EFCAB5: variants seen among roughly 807,000 people sequenced by gnomAD.
The protein encoded by EFCAB5 is EF-hand calcium binding domain 5, also known as EF-hand calcium-binding domain-containing protein 5.
A neutral mutation model predicts 167.9 loss-of-function variants in EFCAB5; 131 were observed. The ratio of observed to expected loss-of-function variants is 0.78; its 90% CI spans 0.68 to 0.90. The LOEUF is 0.90. EFCAB5 is among the 40% of genes least tolerant of loss of function. EFCAB5 has a pLI of 0.00. For missense variants in EFCAB5, 1,663 were observed against 1,745.2 expected, an observed-to-expected ratio of 0.95 and a Z score of 0.84; for synonymous variants, 574 against 602.8, an observed-to-expected ratio of 0.95 and a Z score of 0.70.
chr17:30,061,780 C>T (rs2070432757), intron 14 of EFCAB5, among the ~76,000 whole-genome samples: 1 of 152,132 alleles, frequency 6.6e-6, no homozygotes, highest in Non-Finnish European at 1.5e-5. Flanking sequence ...GTTGCCCAGG[C>T]TAGTCTTGAA....
intron 7 of EFCAB5, among the ~76,000 whole-genome samples, chr17:30,011,329 C>G (rs1012895104): frequency 1.3e-5 from 2 of 152,032 alleles, no homozygotes; most frequent in Admixed American, 1.3e-4. Flanking sequence ...TAGTTTTTTC[C>G]AATTCTGTGA....
At chr17:30,020,864 A>T (rs1252691035) in intron 7 of EFCAB5, among the ~76,000 whole-genome samples, 1 of 152,144 alleles carries the variant, frequency 6.6e-6, no homozygotes, top group Non-Finnish European at 1.5e-5. Flanking sequence ...CACTGTGGTC[A>T]CTTTTTAATG....
chr17:30,086,598 A>AG (rs1190505631), intron 18 of EFCAB5, among the ~76,000 whole-genome samples: 1 of 151,552 alleles, frequency 6.6e-6, no homozygotes, highest in Non-Finnish European at 1.5e-5. Context: ...ATACAAAAAA[A>AG]AAAATTAGCC....
chr17:29,953,095 A>G (rs1421028698), intron 3 of EFCAB5, among the ~76,000 whole-genome samples: 1 of 152,190 alleles, frequency 6.6e-6, no homozygotes, highest in African/African-American at 2.4e-5. Flanking sequence ...AAGGAAGTCA[A>G]ACTATCCCTG....
intron 3 of EFCAB5, chr17:29,950,690 A>G (rs1296722930): frequency 1.3e-5 from 2 of 152,132 alleles, no homozygotes; most frequent in Non-Finnish European, 2.9e-5. Context: ...GATTTTCTTC[A>G]TAACATTTTC....
intron 8 of EFCAB5, among the ~76,000 whole-genome samples, chr17:30,047,730 T>C (rs903064203): frequency 1.3e-5 from 2 of 152,208 alleles, no homozygotes; most frequent in African/African-American, 2.4e-5. Context: ...ATGGATATAA[T>C]GCCTACTAAA....
intron 7 of EFCAB5, among the ~76,000 whole-genome samples, chr17:30,027,186 C>T (rs1350274439): frequency 6.7e-6 from 1 of 150,068 alleles, no homozygotes; most frequent in Non-Finnish European, 1.5e-5. Flanking sequence ...AGGGTTTCAC[C>T]GTGTTAGCCA....
At chr17:30,012,133 G>T (rs532612175) in intron 7 of EFCAB5, among the ~76,000 whole-genome samples, 1 of 152,184 alleles carries the variant, frequency 6.6e-6, no homozygotes, top group Non-Finnish European at 1.5e-5. Context: ...CTGGGAAGAC[G>T]CCCATTGCCA....
At chr17:29,968,658 G>A (rs2067883546) in intron 3 of EFCAB5, 133 bp from the exon 4 acceptor site, 2 of 713,810 alleles carry the variant, frequency 2.8e-6, no homozygotes, top group Non-Finnish European at 4.3e-6. Flanking sequence ...CTGATTTTCT[G>A]TTATTTTCAG....
At chr17:30,001,801 G>C (rs12939344) in intron 7 of EFCAB5, among the ~76,000 whole-genome samples, 67,710 of 152,026 alleles carry the variant, frequency 0.45, 15,686 homozygotes, top group Non-Finnish European at 0.51. Context: ...TAACACTTTT[G>C]ACTCCTTTTT....
chr17:30,022,928 C>G (rs2069217695), intron 7 of EFCAB5, among the ~76,000 whole-genome samples: 1 of 152,090 alleles, frequency 6.6e-6, no homozygotes, highest in African/African-American at 2.4e-5. Context: ...TCCTGAATGA[C>G]TACTGGGTAC....
intron 14 of EFCAB5, among the ~76,000 whole-genome samples, chr17:30,071,847 C>T (rs567926889): frequency 5.3e-4 from 80 of 152,188 alleles, no homozygotes; most frequent in African/African-American, 1.7e-3. Flanking sequence ...TTTGCCACAA[C>T]GTAGATGAGC....
At chr17:30,064,252 T>A (rs4476222) in intron 14 of EFCAB5, among the ~76,000 whole-genome samples, 1 of 152,184 alleles carries the variant, frequency 6.6e-6, no homozygotes, top group South Asian at 2.1e-4. Context: ...AAATTCAGAT[T>A]GACAGTTCAA....
chr17:30,080,855 T>G lies in EFCAB5; in HGVS notation c.3300T>G (p.Asn1100Lys). 3.1e-6 allele frequency: 5 copies of G among 1,613,846 alleles called. No homozygotes were observed. Among genetic ancestry groups the G allele is most frequent in the Non-Finnish European group, 4.2e-6 (5 of 1,179,800 alleles). The change falls in exon 17 of 23, where the codon AAT becomes AAG. Residue 1100 changes from asparagine to lysine, a missense_variant. Transcript: ENST00000394835. ...WNQSRNKHDY[N>K]GSFLALPLQD... ...AGTCCCGTAATAAGCATGATTATAA[T>G]GGTTCATTCCTGGCTCTGCCTCTTC... is the stretch of plus-strand genomic sequence containing the variant.
intron 22 of EFCAB5, among the ~76,000 whole-genome samples, chr17:30,098,400 A>T (rs1006230221): frequency 2.6e-5 from 4 of 151,106 alleles, no homozygotes; most frequent in African/African-American, 9.7e-5. Flanking sequence ...GAGTAGTGGC[A>T]TGTGCCTGTA....
At chr17:30,105,423 G>T (rs1236156886) in intron 22 of EFCAB5, among the ~76,000 whole-genome samples, 3 of 152,148 alleles carry the variant, frequency 2.0e-5, no homozygotes, top group African/African-American at 7.2e-5. Flanking sequence ...GGAGACGGAG[G>T]TTGCAGTGAG....
chr17:30,089,316 A>T (rs1283852992), intron 19 of EFCAB5, among the ~76,000 whole-genome samples: 1 of 152,200 alleles, frequency 6.6e-6, no homozygotes, highest in Non-Finnish European at 1.5e-5. Flanking sequence ...ATCGAGACAC[A>T]ACACAAAGTG....
At chr17:30,062,150 A>G (rs995939094) in intron 14 of EFCAB5, among the ~76,000 whole-genome samples, 1 of 152,222 alleles carries the variant, frequency 6.6e-6, no homozygotes, top group Non-Finnish European at 1.5e-5. Context: ...TTTTGGTGAC[A>G]TCAGCAAGAT....
At chr17:30,044,394 A>G (rs1473609593) in intron 8 of EFCAB5, among the ~76,000 whole-genome samples, 1 of 152,172 alleles carries the variant, frequency 6.6e-6, no homozygotes, top group Non-Finnish European at 1.5e-5. Flanking sequence ...TTTGGCCAAC[A>G]TGGCAAAACC....
Sources: allele counts gnomAD v4.1 joint callset (sites outside exome capture counted in the v4.1 genomes callset), GRCh38; gene constraint gnomAD v4.1.1; transcripts MANE v1.5; gene names NCBI Gene and HGNC (gene_info 2026-07-23, HGNC 2026-07-21).